TACR3: variants seen among roughly 807,000 people sequenced by gnomAD.
TACR3 encodes the protein neuromedin-K receptor.
Under a neutral mutation model 35.0 loss-of-function variants are expected in TACR3, and 34 were observed. The ratio of observed to expected loss-of-function variants is 0.97; its 90% CI spans 0.74 to 1.30. The LOEUF is 1.30. Ranked by LOEUF, TACR3 falls within the 50% of genes most tolerant of loss-of-function variation. TACR3 has a pLI of 0.00. For synonymous variants in TACR3, 233 were observed against 221.1 expected (o/e 1.05, Z -0.48); for missense variants, 558 against 591.7 (o/e 0.94, Z 0.59).
intron 3 of TACR3, among the ~76,000 whole-genome samples, chr4:103,639,825 G>A (rs550869673): frequency 6.6e-6 from 1 of 151,984 alleles, no homozygotes; most frequent in Non-Finnish European, 1.5e-5. Context: ...GAAAATAACA[G>A]TGATGTCTTC....
chr4:103,679,461 G>A (rs1423935095), intron 1 of TACR3, among the ~76,000 whole-genome samples: 1 of 151,982 alleles, frequency 6.6e-6, no homozygotes, highest in Non-Finnish European at 1.5e-5. Flanking sequence ...ATAAATATTT[G>A]AAGTAGTAGT....
chr4:103,700,257 G>C (rs757148190), intron 1 of TACR3, among the ~76,000 whole-genome samples: 1 of 152,070 alleles, frequency 6.6e-6, no homozygotes, highest in Non-Finnish European at 1.5e-5. Context: ...GGGAAGAAAT[G>C]TGCACAACTG....
intron 1 of TACR3, among the ~76,000 whole-genome samples, chr4:103,662,469 C>A (rs970037725): frequency 6.6e-6 from 1 of 152,132 alleles, no homozygotes; most frequent in Non-Finnish European, 1.5e-5. Flanking sequence ...ATCTGCCTGC[C>A]TCAGCCTCCC....
chr4:103,702,307 T>C (rs1722672355), intron 1 of TACR3, among the ~76,000 whole-genome samples: 1 of 152,168 alleles, frequency 6.6e-6, no homozygotes, highest in Non-Finnish European at 1.5e-5. Flanking sequence ...AAAATGCTCA[T>C]CATCACTGAC....
At chr4:103,668,090 C>T (rs888133558) in intron 1 of TACR3, among the ~76,000 whole-genome samples, 2 of 152,120 alleles carry the variant, frequency 1.3e-5, no homozygotes, top group African/African-American at 4.8e-5. Context: ...CCTCAGTCTC[C>T]CAAATTGGTG....
chr4:103,678,716 T>A lies in TACR3; in HGVS notation c.549-20313A>T, dbSNP rs181784585. Among the ~76,000 whole-genome samples the A allele has an allele frequency of 5.9e-4, 89 of 151,200 alleles. 1 individual carries two copies. The highest frequency in any genetic ancestry group is 9.1e-4 in the Non-Finnish European group (62 of 67,784). ...AGAAAGATAAAACAGATTAAGTGGA[T>A]AGAAAATGATGTGAGTCTGCTGTTT... On this transcript the variant is annotated intron_variant, in intron 1 of 4. Transcript: ENST00000304883.
At chr4:103,638,415 C>T (rs1450489025) in intron 3 of TACR3, among the ~76,000 whole-genome samples, 1 of 151,890 alleles carries the variant, frequency 6.6e-6, no homozygotes, top group Non-Finnish European at 1.5e-5. Context: ...GGATCCCTTC[C>T]TTACACCTTA....
intron 3 of TACR3, among the ~76,000 whole-genome samples, chr4:103,626,078 T>C (rs1279039214): frequency 1.3e-5 from 2 of 152,178 alleles, no homozygotes; most frequent in African/African-American, 2.4e-5. Context: ...GTCTATAGTT[T>C]AAGCCACCCA....
rs114668325 is a variant in TACR3, at chr4:103,608,303, G to A, written c.889-16620C>T. ...CCATAATCCTCAATGAATTAAAACC[G>A]AAATAGAAAACGAGATACCACTTGT... is the stretch of plus-strand genomic sequence containing the variant. On this transcript the variant is annotated intron_variant, in intron 3 of 4. Transcript: ENST00000304883. Among the ~76,000 whole-genome samples the A allele has an allele frequency of 5.1e-3, 770 of 152,072 alleles. 10 individuals are homozygous for A. Among genetic ancestry groups the A allele is most frequent in the African/African-American group, 0.017 (702 of 41,520 alleles).
chr4:103,627,402 T>C (rs1374096490), intron 3 of TACR3, among the ~76,000 whole-genome samples: 1 of 136,444 alleles, frequency 7.3e-6, no homozygotes. Flanking sequence ...TGTGCACCTA[T>C]AATCCTAGCT....
At chr4:103,706,748 A>G (rs1722801895) in intron 1 of TACR3, among the ~76,000 whole-genome samples, 1 of 152,144 alleles carries the variant, frequency 6.6e-6, no homozygotes, top group Non-Finnish European at 1.5e-5. Flanking sequence ...TTTCACTGTG[A>G]ATGTGTGGCT....
chr4:103,658,017 T>G (rs925855114), intron 2 of TACR3, among the ~76,000 whole-genome samples, 198 bp downstream of exon 2: 1 of 152,158 alleles, frequency 6.6e-6, no homozygotes, highest in Non-Finnish European at 1.5e-5. Context: ...TATTTCCAAT[T>G]AAAAACCTTA....
intron 1 of TACR3, among the ~76,000 whole-genome samples, chr4:103,666,635 A>G (rs1386948102): frequency 6.6e-6 from 1 of 152,174 alleles, no homozygotes; most frequent in Admixed American, 6.5e-5. Flanking sequence ...AATGATTTGT[A>G]TCAAAATGCT....
At chr4:103,638,918 A>T (rs1413475089) in intron 3 of TACR3, among the ~76,000 whole-genome samples, 1 of 152,180 alleles carries the variant, frequency 6.6e-6, no homozygotes, top group African/African-American at 2.4e-5. Context: ...TAGAATGGCG[A>T]TCATTAAAAA....
chr4:103,687,840 T>C (rs1578257970), intron 1 of TACR3, among the ~76,000 whole-genome samples: 1 of 152,160 alleles, frequency 6.6e-6, no homozygotes, highest in African/African-American at 2.4e-5. Context: ...ATTTATAGAT[T>C]CAATGCCATC....
intron 1 of TACR3, among the ~76,000 whole-genome samples, chr4:103,702,325 G>T (rs1331324542): frequency 6.6e-6 from 1 of 152,178 alleles, no homozygotes; most frequent in Non-Finnish European, 1.5e-5. Context: ...GACCATCAGA[G>T]AAATGCAAAT....
chr4:103,623,362 G>A (rs1358939373), intron 3 of TACR3, among the ~76,000 whole-genome samples: 1 of 151,996 alleles, frequency 6.6e-6, no homozygotes, highest in South Asian at 2.1e-4. Flanking sequence ...TGCAAAGATA[G>A]ACACCCTGGG....
chr4:103,605,737 T>G, intron 3 of TACR3, among the ~76,000 whole-genome samples: 1 of 151,844 alleles, frequency 6.6e-6, no homozygotes, highest in Non-Finnish European at 1.5e-5. Context: ...CTTTGTCAGA[T>G]GAGTAGGTTG....
intron 3 of TACR3, among the ~76,000 whole-genome samples, chr4:103,597,143 T>C (rs1031958815): frequency 6.9e-6 from 1 of 144,672 alleles, no homozygotes; most frequent in Non-Finnish European, 1.5e-5. Flanking sequence ...GGTCAAATGG[T>C]ATTTCTAGTT....
Sources: gnomAD v4.1 joint callset for allele counts (sites outside exome capture counted in the v4.1 genomes callset) on GRCh38, gnomAD v4.1.1 for gene constraint, MANE v1.5 for transcripts, NCBI Gene and HGNC (gene_info 2026-07-23, HGNC 2026-07-21) for gene names.